DNHD1: variants seen among roughly 807,000 people sequenced by gnomAD.
The protein encoded by DNHD1 is dynein heavy chain domain 1, also known as dynein heavy chain domain-containing protein 1.
In DNHD1, 383 loss-of-function variants were observed where a neutral mutation model predicts 458.1. The ratio of observed to expected loss-of-function variants is 0.84; its 90% CI spans 0.77 to 0.91. The LOEUF (loss-of-function observed/expected upper bound fraction) is 0.91, where lower values mean the gene tolerates loss of function less well. DNHD1 is among the 40% of genes least tolerant of loss of function. The pLI, the probability that DNHD1 is intolerant of heterozygous loss-of-function variation, is 0.00. For missense variants in DNHD1, 5,336 were observed against 5,866.1 expected, an observed-to-expected ratio of 0.91 and a Z score of 2.95; for synonymous variants, 2,203 against 2,376.9, an observed-to-expected ratio of 0.93 and a Z score of 2.13.
At chr11:6,525,196 A>G (rs543454875) in intron 10 of DNHD1, among the ~76,000 whole-genome samples, 1 of 152,172 alleles carries the variant, frequency 6.6e-6, no homozygotes, top group South Asian at 2.1e-4. Context: ...TCTGTGTCTG[A>G]CTCTCACTTT....
intron 10 of DNHD1, among the ~76,000 whole-genome samples, chr11:6,522,404 GA>G: frequency 6.6e-6 from 1 of 152,018 alleles, no homozygotes. Flanking sequence ...TTATAAGTGG[GA>G]GCTAAATGAT....
intron 32 of DNHD1, 144 bp downstream of exon 32, chr11:6,564,948 CA>C: frequency 1.5e-6 from 1 of 684,472 alleles, no homozygotes; most frequent in Non-Finnish European, 2.4e-6. Flanking sequence ...ACTATAGGAA[CA>C]AATTTGGTCA....
intron 29 of DNHD1, 56 bp downstream of exon 29, chr11:6,563,187 C>T: frequency 6.5e-7 from 1 of 1,549,994 alleles, no homozygotes; most frequent in Non-Finnish European, 8.7e-7. Context: ...GAGGGCAACC[C>T]CTCTAAGGAT....
In DNHD1 at chr11:6,544,786, C is replaced by A. The variant is rs1334809421; in HGVS notation, c.3853-6C>A. The A allele has an allele frequency of 6.5e-7, 1 of 1,549,770 alleles. No homozygotes were observed. The highest frequency in any genetic ancestry group is 8.7e-7 in the Non-Finnish European group (1 of 1,145,378). ...GCCCTCACTTTTATCCTCTCCCTCA[C>A]CACAGAACTCTCGTTTCAAGGTCAT... is the stretch of plus-strand genomic sequence containing the variant. On this transcript the variant is annotated splice_region_variant and splice_polypyrimidine_tract_variant and intron_variant, in intron 20 of 42. Coordinates refer to ENST00000254579, the MANE Select transcript of DNHD1 (RefSeq NM_144666.3).
At chr11:6,549,244 C>T (rs1853285157) in intron 24 of DNHD1, among the ~76,000 whole-genome samples, 1 of 152,162 alleles carries the variant, frequency 6.6e-6, no homozygotes, top group African/African-American at 2.4e-5. Flanking sequence ...CTGAGCTCAT[C>T]ATCTCCCCGC....
chr11:6,530,101 T>G (rs184022782), intron 12 of DNHD1, among the ~76,000 whole-genome samples: 2 of 152,332 alleles, frequency 1.3e-5, no homozygotes. Flanking sequence ...CTCTTTTTAC[T>G]ACAACACATA....
Position 6,571,181 on chromosome 11 carries a change from C to A in DNHD1, c.13669C>A (p.Arg4557Ser). Reference sequence around the variant, plus strand: ...CTGGCACTGGCTGCGACAGTTGTCGCGCCGTGGGCAACTGTTGGTTCGTTA... The same window carrying A: ...CTGGCACTGGCTGCGACAGTTGTCGAGCCGTGGGCAACTGTTGGTTCGTTA... ...PPWHWLRQLS[R>S]RGQLLVRYLG... Residue 4557 changes from arginine to serine, a missense_variant, in exon 42 of 43, where the codon CGC (arginine) becomes AGC (serine). By Grantham distance (110) the Arg-to-Ser change is moderately radical. Around this residue, in one of 4 missense-constraint regions of DNHD1, gnomAD observed 698 missense variants for 664.9 expected, o/e 1.05. Transcript: ENST00000254579. This position sits in a 1 kb window ranked among gnomAD's most constrained non-coding sequence, Gnocchi z 5.0. 1 of 1,604,494 alleles carries A rather than the reference C, an allele frequency of 6.2e-7. No homozygotes were observed. Among genetic ancestry groups the A allele is most frequent in the Non-Finnish European group, 8.5e-7 (1 of 1,175,248 alleles).
rs563053424 is a variant in DNHD1, at chr11:6,527,122, C to T, written c.1838-1400C>T. Reference sequence around the variant, plus strand: ...TTATCTAATTGTTCTGTCATTTTTACGTGGGCATTTGGGGGAGATTTCAAA... The same window carrying T: ...TTATCTAATTGTTCTGTCATTTTTATGTGGGCATTTGGGGGAGATTTCAAA... On this transcript the variant is annotated intron_variant, in intron 10 of 42. Transcript: ENST00000254579. Among the ~76,000 whole-genome samples the T allele has an allele frequency of 5.3e-5, 8 of 152,272 alleles. No individual in the cohort carries two copies. In the South Asian group the frequency reaches 1.2e-3, roughly 24 times the overall value.
In DNHD1 at chr11:6,567,478, G is replaced by A. The variant is rs1404505810; in HGVS notation, c.11969G>A (p.Cys3990Tyr). 1 of 1,613,328 alleles carries A rather than the reference G, an allele frequency of 6.2e-7. No homozygotes were observed. Among genetic ancestry groups the A allele is most frequent in the South Asian group, 1.1e-5 (1 of 90,936 alleles). The change falls in exon 36 of 43, where the codon TGT becomes TAT. Residue 3990 changes from cysteine to tyrosine, a missense_variant. Physicochemically the swap from Cys to Tyr is radical, Grantham distance 194. Around this residue, in one of 4 missense-constraint regions of DNHD1, gnomAD observed 695 missense variants for 804.2 expected, o/e 0.86. Coordinates refer to ENST00000254579, the MANE Select transcript of DNHD1 (RefSeq NM_144666.3). ...CTTGGGCCAAAAGCCTGGCATGAAT[G>A]TGAGATGTTAGAGCTGCTGCCCCCA... ...AWLGPKAWHE[C>Y]EMLELLPPFV...
Position 6,508,984 on chromosome 11 carries a change from C to G in DNHD1, c.1025C>G (p.Thr342Arg). Residue 342 changes from threonine to arginine, a missense_variant, in exon 5 of 43, where the codon ACG becomes AGG. Physicochemically the swap from Thr to Arg is moderately conservative, Grantham distance 71. Around this residue, in one of 4 missense-constraint regions of DNHD1, gnomAD observed 3,932 missense variants for 4,365.6 expected, o/e 0.90. Transcript: ENST00000254579. The part of the protein sequence containing the change: ...LHVHPVEGSE[T>R]MTLGTWHHHC... ...GTACATCCTGTGGAAGGTAGCGAGA[C>G]GATGACACTGGGTACCTGGCACCAT... 1 of 1,614,210 alleles carries G rather than the reference C, an allele frequency of 6.2e-7. No homozygotes were observed. Among genetic ancestry groups the G allele is most frequent in the Non-Finnish European group, 8.5e-7 (1 of 1,180,040 alleles).
At position 6,571,632 on chromosome 11, in the gene DNHD1, C is replaced by A; in HGVS notation, c.13912-4C>A. ...CTTGCCTGACCAGCTTCTGACGCCC[C>A]CAGGTGGAGAATGGTCCAAATCCCA... On this transcript the variant is annotated splice_polypyrimidine_tract_variant and splice_region_variant and intron_variant, in intron 42 of 42. Transcript: ENST00000254579. The surrounding 1 kb of genome is among the most constrained non-coding windows in gnomAD (Gnocchi z 5.0). The A allele has an allele frequency of 6.4e-7, 1 of 1,562,942 alleles. No homozygotes were observed. The highest frequency in any genetic ancestry group is 2.3e-5 in the East Asian group (1 of 43,274).
At chr11:6,534,198 A>C in intron 14 of DNHD1, 25 bp downstream of exon 14, 1 of 1,546,858 alleles carries the variant, frequency 6.5e-7, no homozygotes, top group Non-Finnish European at 8.7e-7. Flanking sequence ...TGCACCCTCC[A>C]TTATCACTCT....
rs927368322 is a variant in DNHD1 at position 6,528,270 on chromosome 11, C to T, written c.1838-252C>T. Among the ~76,000 whole-genome samples, 7 of 152,202 alleles carry T rather than the reference C, an allele frequency of 4.6e-5. No individual in the cohort carries two copies. In the South Asian group the frequency reaches 1.0e-3, roughly 23 times the overall value. ...CCATTTAATATTCTGTAATAAGTCC[C>T]TCCCTGCTTAGACTAGCTAGAGTAA... is the stretch of plus-strand genomic sequence containing the variant. On this transcript the variant is annotated intron_variant, in intron 10 of 42. Transcript: ENST00000254579.
chr11:6,511,505 G>A, intron 7 of DNHD1, 76 bp downstream of exon 7: 1 of 1,556,342 alleles, frequency 6.4e-7, no homozygotes, highest in Non-Finnish European at 8.7e-7. Context: ...TCTTAGTTAA[G>A]TTTCTCCTGG....
rs1853847211 is a variant in DNHD1, at chr11:6,571,382, T to G, written c.13870T>G (p.Tyr4624Asp). ...SRGSVSSQLQ[Y>D]KRLEMNSNPL... ...AGGCTCGGTCTCCAGTCAGCTCCAG[T>G]ATAAACGTCTGGAGATGAACAGCAA... The change falls in exon 42 of 43, where the codon TAT becomes GAT. Residue 4624 changes from tyrosine to aspartate, a missense_variant. Physicochemically the swap from Tyr to Asp is radical, Grantham distance 160. Around this residue, in one of 4 missense-constraint regions of DNHD1, gnomAD observed 698 missense variants for 664.9 expected, o/e 1.05. Transcript: ENST00000254579. This position sits in a 1 kb window ranked among gnomAD's most constrained non-coding sequence, Gnocchi z 5.0. 8.7e-6 allele frequency: 14 copies of G among 1,611,138 alleles called. No individual in the cohort carries two copies. Among genetic ancestry groups the G allele is most frequent in the Non-Finnish European group, 1.2e-5 (14 of 1,178,482 alleles).
intron 7 of DNHD1, among the ~76,000 whole-genome samples, chr11:6,512,624 T>C (rs1852369207): frequency 6.6e-6 from 1 of 152,160 alleles, no homozygotes; most frequent in Non-Finnish European, 1.5e-5. Flanking sequence ...AACATTTTCA[T>C]AAAATTTTAA....
At chr11:6,519,905 T>C in intron 8 of DNHD1, 51 bp downstream of exon 8, 1 of 1,613,068 alleles carries the variant, frequency 6.2e-7, no homozygotes, top group Non-Finnish European at 8.5e-7. Flanking sequence ...CAGGGCCAGA[T>C]GCTGAGGAAT....
At chr11:6,543,870 T>A (rs1469822358) in intron 18 of DNHD1, among the ~76,000 whole-genome samples, 1 of 137,998 alleles carries the variant, frequency 7.2e-6, no homozygotes, top group African/African-American at 2.8e-5. Flanking sequence ...CTGAGGCAGG[T>A]GAATTGCTTG....
At chr11:6,513,624 T>C (rs1852391831) in intron 7 of DNHD1, among the ~76,000 whole-genome samples, 1 of 152,256 alleles carries the variant, frequency 6.6e-6, no homozygotes, top group South Asian at 2.1e-4. Context: ...ATTGTGGACA[T>C]TTGGGTTGGT....
Sources: allele counts gnomAD v4.1 joint callset (sites outside exome capture counted in the v4.1 genomes callset), GRCh38; gene constraint gnomAD v4.1.1; regional missense constraint gnomAD v4.1.1; non-coding constraint Gnocchi (gnomAD v3.1); transcripts MANE v1.5; gene names NCBI Gene and HGNC (gene_info 2026-07-23, HGNC 2026-07-21).